Variants in PTN observed in about 807,000 individuals in gnomAD.
The protein encoded by PTN is pleiotrophin, also known as heparin affin regulatory protein.
In PTN, 18 loss-of-function variants were observed where a neutral mutation model predicts 24.1. The observed-to-expected ratio is 0.75, with a 90% CI of 0.52 to 1.11. The LOEUF is 1.11. PTN is among the 50% of genes least tolerant of loss of function. The probability of loss-of-function intolerance (pLI) is 0.00; values close to 1 mark genes in which losing one functional copy is unlikely to be tolerated. For missense variants in PTN, 163 were observed against 198.8 expected (o/e 0.82, Z 1.08); for synonymous variants, 78 against 68.6 (o/e 1.14, Z -0.67).
intron 1 of PTN, among the ~76,000 whole-genome samples, chr7:137,302,801 G>GTCC (rs1310408278): frequency 1.3e-5 from 2 of 151,964 alleles, no homozygotes; most frequent in Non-Finnish European, 2.9e-5. Flanking sequence ...CATATAGGAT[G>GTCC]TGCCATTTAA....
At chr7:137,295,521 C>T (rs1057114923) in intron 1 of PTN, among the ~76,000 whole-genome samples, 1 of 151,562 alleles carries the variant, frequency 6.6e-6, no homozygotes, top group South Asian at 2.1e-4. Flanking sequence ...GTGGCTAGTC[C>T]GAATGGAGAC....
intron 1 of PTN, among the ~76,000 whole-genome samples, chr7:137,319,109 C>T (rs960706893): frequency 6.6e-6 from 1 of 152,186 alleles, no homozygotes; most frequent in Non-Finnish European, 1.5e-5. Flanking sequence ...GACACCACAT[C>T]GTCGCTGACT....
At chr7:137,237,442 T>A (rs1053230092) in intron 4 of PTN, among the ~76,000 whole-genome samples, 5 of 152,152 alleles carry the variant, frequency 3.3e-5, no homozygotes, top group African/African-American at 1.2e-4. Flanking sequence ...CGAATTCGAT[T>A]TCAGACTATA....
chr7:137,270,724 G>A (rs1368854736), intron 1 of PTN, among the ~76,000 whole-genome samples: 1 of 152,214 alleles, frequency 6.6e-6, no homozygotes, highest in African/African-American at 2.4e-5. Flanking sequence ...GGGCAAGCTG[G>A]AAAATAACAT....
intron 4 of PTN, among the ~76,000 whole-genome samples, chr7:137,244,344 C>T (rs1469623823): frequency 6.7e-6 from 1 of 149,478 alleles, no homozygotes; most frequent in Non-Finnish European, 1.5e-5. Context: ...TATAAAATAT[C>T]AAAGTGGATA....
intron 1 of PTN, among the ~76,000 whole-genome samples, chr7:137,267,526 C>T (rs1809177298): frequency 6.6e-6 from 1 of 152,138 alleles, no homozygotes; most frequent in South Asian, 2.1e-4. Flanking sequence ...CTTCTGATGG[C>T]CAACCCACCT....
rs1808360951 is a variant in PTN at position 137,227,901 on chromosome 7, G to A, written c.*119C>T. 9.5e-6 allele frequency: 13 copies of A among 1,364,964 alleles called. No homozygotes were observed. The highest frequency in any genetic ancestry group is 1.7e-5 in the South Asian group (1 of 58,730). 84.6% of individuals were successfully genotyped at this position (1,364,964 alleles called of 1,614,324 possible). Reference sequence around the variant, plus strand: ...AAAATTTTCTTTTCTTTTTGTTTTTGCTTATTGTGTACTTAGCTATAGATA... The same window carrying A: ...AAAATTTTCTTTTCTTTTTGTTTTTACTTATTGTGTACTTAGCTATAGATA... On this transcript the variant is annotated 3_prime_UTR_variant, in exon 5 of 5. Coordinates refer to ENST00000348225, the MANE Select transcript of PTN (RefSeq NM_002825.7).
chr7:137,342,538 TG>T (rs1810551405), intron 1 of PTN, among the ~76,000 whole-genome samples: 1 of 151,702 alleles, frequency 6.6e-6, no homozygotes, highest in East Asian at 1.9e-4. Context: ...TGTGTGTGTG[TG>T]TGTGTGTGTT....
rs547136560 is a variant in PTN at position 137,325,018 on chromosome 7, CT to C, written c.-2+18420del. 2.3e-4 allele frequency among the ~76,000 whole-genome samples: 35 copies of C among 152,260 alleles called. 1 individual carries two copies. In the South Asian group the frequency reaches 5.6e-3, roughly 24 times the overall value. ...TTAATTGTACTGTAATAGGCTCATC[CT>C]GCAGTAGCTTCCTGATTTGTCAAAG... On this transcript the variant is annotated intron_variant, in intron 1 of 4. Coordinates refer to ENST00000348225, the MANE Select transcript of PTN (RefSeq NM_002825.7).
At chr7:137,299,689 G>A (rs1198556335) in intron 1 of PTN, among the ~76,000 whole-genome samples, 7 of 151,890 alleles carry the variant, frequency 4.6e-5, no homozygotes, top group South Asian at 4.1e-4. Flanking sequence ...AAGAGAGACC[G>A]TTTCCTGACT....
chr7:137,263,419 C>G (rs908719607), intron 1 of PTN, among the ~76,000 whole-genome samples: 4 of 152,176 alleles, frequency 2.6e-5, no homozygotes, highest in Admixed American at 1.3e-4. Flanking sequence ...TCTCTTTCAG[C>G]TGCTAGCAAG....
chr7:137,292,347 C>T (rs1045872541), intron 1 of PTN, among the ~76,000 whole-genome samples: 2 of 152,160 alleles, frequency 1.3e-5, no homozygotes, highest in Non-Finnish European at 2.9e-5. Flanking sequence ...TAGTAATTCC[C>T]ATGTCACGGG....
At chr7:137,276,043 T>C (rs1391138032) in intron 1 of PTN, among the ~76,000 whole-genome samples, 1 of 152,182 alleles carries the variant, frequency 6.6e-6, no homozygotes, top group East Asian at 1.9e-4. Context: ...TATTATGTAT[T>C]TGGGAGGAAG....
chr7:137,249,848 C>G (rs548122501), intron 4 of PTN, among the ~76,000 whole-genome samples: 1 of 152,148 alleles, frequency 6.6e-6, no homozygotes, highest in Admixed American at 6.5e-5. Flanking sequence ...CCTAGACTCA[C>G]CACCTGCAGG....
intron 4 of PTN, 53 bp downstream of exon 4, chr7:137,251,177 C>A: frequency 1.3e-6 from 2 of 1,584,610 alleles, no homozygotes; most frequent in Non-Finnish European, 1.7e-6. Context: ...TTTTCCAGAT[C>A]TTACCTGAGT....
chr7:137,341,935 A>T (rs1810540791), intron 1 of PTN, among the ~76,000 whole-genome samples: 1 of 152,290 alleles, frequency 6.6e-6, no homozygotes, highest in East Asian at 1.9e-4. Flanking sequence ...GAAATAACTC[A>T]TGTCCCAAAG....
chr7:137,319,757 G>A (rs574715116), intron 1 of PTN, among the ~76,000 whole-genome samples: 7 of 152,302 alleles, frequency 4.6e-5, no homozygotes, highest in East Asian at 3.9e-4. Context: ...TACTTTTGCC[G>A]GAATGGGCTG....
intron 1 of PTN, among the ~76,000 whole-genome samples, chr7:137,266,080 ATAAG>A (rs1008079307): frequency 2.0e-5 from 3 of 152,210 alleles, no homozygotes; most frequent in East Asian, 1.9e-4. Flanking sequence ...ATGTTTGATC[ATAAG>A]TAAGATTTTA....
chr7:137,316,228 C>T (rs1212266627), intron 1 of PTN, among the ~76,000 whole-genome samples: 1 of 152,184 alleles, frequency 6.6e-6, no homozygotes, highest in Non-Finnish European at 1.5e-5. Context: ...ATCCGTATCA[C>T]CGTCACCTGG....
Sources: gnomAD v4.1 joint callset for allele counts (sites outside exome capture counted in the v4.1 genomes callset) on GRCh38, gnomAD v4.1.1 for gene constraint, MANE v1.5 for transcripts, NCBI Gene and HGNC (gene_info 2026-07-23, HGNC 2026-07-21) for gene names.